A3GALT2: variants seen among roughly 807,000 people sequenced by gnomAD.
A3GALT2 encodes the protein alpha-1,3-galactosyltransferase 2.
A3GALT2 carries 14 observed loss-of-function variants against 16.6 expected under a neutral mutation model. The ratio of observed to expected loss-of-function variants is 0.84; its 90% CI spans 0.56 to 1.32. The LOEUF (loss-of-function observed/expected upper bound fraction) is 1.32, where lower values mean the gene tolerates loss of function less well. Ranked by LOEUF, A3GALT2 falls within the 40% of genes most tolerant of loss-of-function variation. The pLI is 0.00. For missense variants in A3GALT2, 600 were observed against 490.9 expected (o/e 1.22, Z -2.10); for synonymous variants, 253 against 218.0 (o/e 1.16, Z -1.42).
chr1:33,311,739 TC>T (rs1646233406), intron 4 of A3GALT2, among the ~76,000 whole-genome samples: 2 of 152,200 alleles, frequency 1.3e-5, no homozygotes, highest in African/African-American at 4.8e-5. Context: ...AAAGACTCCA[TC>T]ATTTTCTCAC....
chr1:33,308,599 G>T (rs1020851293), intron 4 of A3GALT2, among the ~76,000 whole-genome samples: 2 of 151,754 alleles, frequency 1.3e-5, no homozygotes, highest in African/African-American at 4.9e-5. Flanking sequence ...TAGAGATGGG[G>T]TTTCACCGTG....
rs747194383 is a variant in A3GALT2, at chr1:33,312,185, G to C, written c.202C>G (p.Arg68Gly). 2 of 1,613,180 alleles carry C rather than the reference G, an allele frequency of 1.2e-6. No homozygotes were observed. Among genetic ancestry groups the C allele is most frequent in the Non-Finnish European group, 1.7e-6 (2 of 1,179,736 alleles). Residue 68 changes from arginine (R) to glycine (G), a missense_variant, in exon 4 of 5, where the codon CGG becomes GGG. By Grantham distance (125) the Arg-to-Gly change is moderately radical. Coordinates refer to ENST00000442999, the MANE Select transcript of A3GALT2 (RefSeq NM_001080438.1). ...NFTGALRPWA[R>G]PEVLTCTPWG... is the part of the protein sequence containing the mutation. ...GGGGTACAGGTCAGAACTTCAGGCC[G>C]GGCCCTGGCCAGGGCAGGGATGGGA...
chr1:33,312,947 A>C, intron 1 of A3GALT2, 57 bp from the exon 2 acceptor site: 2 of 1,268,736 alleles, frequency 1.6e-6, no homozygotes, highest in Non-Finnish European at 2.3e-6. Context: ...ACAAATATTT[A>C]TATGCACACA....
At chr1:33,314,945 C>G (rs1038472370) in intron 1 of A3GALT2, 1 of 151,982 alleles carries the variant, frequency 6.6e-6, no homozygotes, top group African/African-American at 2.4e-5. Flanking sequence ...AAAATGAGCA[C>G]TTTTTAAAAA....
intron 1 of A3GALT2, among the ~76,000 whole-genome samples, chr1:33,317,574 C>T (rs1420024061): frequency 6.6e-6 from 1 of 152,174 alleles, no homozygotes; most frequent in Non-Finnish European, 1.5e-5. Context: ...GTGCTCACAG[C>T]CCCTGGCCAG....
rs1316309065 is a variant in A3GALT2, at chr1:33,316,714, A to C, written c.24-3824T>G. On this transcript the variant is annotated intron_variant, in intron 1 of 4. Coordinates refer to ENST00000442999, the MANE Select transcript of A3GALT2 (RefSeq NM_001080438.1). Reference sequence around the variant, plus strand: ...GAGGGACGGGGCTGAGGTACCAGAAAGGAGAAGATGCCTGGTTGTCTGGTT... The same window carrying C: ...GAGGGACGGGGCTGAGGTACCAGAACGGAGAAGATGCCTGGTTGTCTGGTT... Among the ~76,000 whole-genome samples, 3 of 152,134 alleles carry C rather than the reference A, an allele frequency of 2.0e-5. No individual in the cohort carries two copies. The East Asian group carries it at 5.8e-4, about 29-fold the overall frequency.
intron 1 of A3GALT2, among the ~76,000 whole-genome samples, chr1:33,316,207 C>G (rs1646260855): frequency 6.6e-6 from 1 of 151,978 alleles, no homozygotes; most frequent in Non-Finnish European, 1.5e-5. Flanking sequence ...CAACAGTATG[C>G]AAAAGTGAGG....
intron 4 of A3GALT2, among the ~76,000 whole-genome samples, chr1:33,308,750 G>GTTGTTTTTT (rs1646216251): frequency 3.5e-4 from 16 of 46,126 alleles, no homozygotes; most frequent in Non-Finnish European, 4.9e-4. Context: ...TGTCAAAGTT[G>GTTGTTTTTT]TTTTTTTTTT....
chr1:33,307,535 C>T (rs1178751127), intron 4 of A3GALT2, 82 bp from the exon 5 acceptor site: 1 of 1,167,732 alleles, frequency 8.6e-7, no homozygotes, highest in Non-Finnish European at 1.1e-6. Context: ...TCTACTCCCA[C>T]CCCACCCTCA....
rs1319482843 is a variant in A3GALT2 at position 33,320,604 on chromosome 1, C to T, written c.23+472G>A. Among the ~76,000 whole-genome samples the T allele has an allele frequency of 1.3e-5, 2 of 152,006 alleles. No homozygotes were observed. Among genetic ancestry groups the T allele is most frequent in the African/African-American group, 4.8e-5 (2 of 41,434 alleles). ...TACCTGCAGAAGGTGGTCCCTCAAG[C>T]TCCACCCTGTGCCCTGCTCCCCACT... is the stretch of plus-strand genomic sequence containing the variant. On this transcript the variant is annotated intron_variant, in intron 1 of 4. Coordinates refer to ENST00000442999, the MANE Select transcript of A3GALT2 (RefSeq NM_001080438.1). The surrounding 1 kb of genome is among the most constrained non-coding windows in gnomAD (Gnocchi z 4.3).
In A3GALT2 at chr1:33,307,515, T is replaced by C. The variant is rs1445179180; in HGVS notation, c.336-62A>G. 1.2e-4 allele frequency: 153 copies of C among 1,253,468 alleles called. No individual in the cohort carries two copies. In the East Asian group the frequency reaches 3.9e-3, roughly 32 times the overall value. 77.6% of individuals were successfully genotyped at this position (1,253,468 alleles called of 1,614,324 possible). A position where few individuals can be genotyped will look rare whatever the true frequency, so the allele number is the denominator to read the frequency against. ...GCGAGGCGGGCCCGGCCTCCCCACC[T>C]CATCTCACCTCTACTCCCACCCCAC... On this transcript the variant is annotated intron_variant, in intron 4 of 4. Transcript: ENST00000442999.
intron 1 of A3GALT2, among the ~76,000 whole-genome samples, chr1:33,316,594 A>G (rs1287359947): frequency 6.6e-6 from 1 of 151,212 alleles, no homozygotes; most frequent in Non-Finnish European, 1.5e-5. Flanking sequence ...GGGAGGTATC[A>G]GGGGCAACAC....
Position 33,306,966 on chromosome 1 carries a change from C to T in A3GALT2, c.823G>A (p.Gly275Ser). 1 of 1,493,224 alleles carries T rather than the reference C, an allele frequency of 6.7e-7. No homozygotes were observed. Among genetic ancestry groups the T allele is most frequent in the East Asian group, 2.8e-5 (1 of 35,802 alleles). The allele number at this position is 1,493,224 out of a possible 1,614,324, so 92.5% of individuals were successfully genotyped here. ...LRGLTAHCAGGLDWDRARGLE... is the reference protein window; with the variant it reads ...LRGLTAHCAGSLDWDRARGLE... ...CCGCGCGCGCGGTCCCAGTCCAGGC[C>T]CCCCGCACAGTGCGCCGTCAGCCCG... The change falls in exon 5 of 5, where the codon GGC becomes AGC. Residue 275 changes from glycine (G) to serine (S), a missense_variant. Gly to Ser is a moderately conservative substitution (Grantham distance 56, BLOSUM62 0). Transcript: ENST00000442999.
At chr1:33,318,291 A>G (rs1646270132) in intron 1 of A3GALT2, among the ~76,000 whole-genome samples, 2 of 152,200 alleles carry the variant, frequency 1.3e-5, no homozygotes, top group South Asian at 4.1e-4. Flanking sequence ...TTAAATAAAA[A>G]TATTGTTACA....
rs1336381585 is a variant in A3GALT2, at chr1:33,309,238, A to G, written c.336-1785T>C. On this transcript the variant is annotated intron_variant, in intron 4 of 4. Coordinates refer to ENST00000442999, the MANE Select transcript of A3GALT2 (RefSeq NM_001080438.1). ...ACATTTCCCCCTTTTCTATTCGACAAAACCACCACCATCATCATGGCCTGT... is the reference window on the plus strand; with the variant it reads ...ACATTTCCCCCTTTTCTATTCGACAGAACCACCACCATCATCATGGCCTGT... Among the ~76,000 whole-genome samples the G allele has an allele frequency of 2.0e-5, 3 of 152,364 alleles. No homozygotes were observed. In the East Asian group the frequency reaches 5.8e-4, roughly 29 times the overall value.
intron 1 of A3GALT2, among the ~76,000 whole-genome samples, chr1:33,319,608 G>C (rs905262256): frequency 1.3e-5 from 2 of 152,098 alleles, no homozygotes; most frequent in African/African-American, 4.8e-5. Flanking sequence ...CTATAGGCCA[G>C]TGGTGCACCT....
At chr1:33,307,498 G>A (rs374652495) in intron 4 of A3GALT2, 45 bp from the exon 5 acceptor site, 1 of 1,405,352 alleles carries the variant, frequency 7.1e-7, no homozygotes, top group South Asian at 1.5e-5. Flanking sequence ...AAGCGAGGCG[G>A]GCCCGGCCTC....
intron 4 of A3GALT2, among the ~76,000 whole-genome samples, chr1:33,309,276 G>A (rs1438163712): frequency 6.6e-6 from 1 of 152,242 alleles, no homozygotes; most frequent in Non-Finnish European, 1.5e-5. Context: ...TCAATGAGCT[G>A]TTGGGTACAC....
intron 1 of A3GALT2, among the ~76,000 whole-genome samples, chr1:33,315,500 A>G (rs530553370): frequency 1.6e-4 from 24 of 152,226 alleles, no homozygotes; most frequent in Non-Finnish European, 2.8e-4. Context: ...AGCTATGATC[A>G]TGCCACTGGA....
Sources: allele counts gnomAD v4.1 joint callset (sites outside exome capture counted in the v4.1 genomes callset), GRCh38; gene constraint gnomAD v4.1.1; non-coding constraint Gnocchi (gnomAD v3.1); transcripts MANE v1.5; gene names NCBI Gene and HGNC (gene_info 2026-07-23, HGNC 2026-07-21).